CFAP58: variants seen among roughly 807,000 people sequenced by gnomAD.
The protein encoded by CFAP58 is cilia- and flagella-associated protein 58.
CFAP58 carries 88 observed loss-of-function variants against 119.5 expected under a neutral mutation model. The ratio of observed to expected loss-of-function variants is 0.74; its 90% confidence interval spans 0.62 to 0.88. The LOEUF (loss-of-function observed/expected upper bound fraction) is 0.88. Among genes scored for constraint, CFAP58 ranks in the 40% least tolerant of loss-of-function variants. CFAP58 has a pLI of 0.00. For missense variants in CFAP58, 990 were observed against 1,021.2 expected (o/e 0.97, Z 0.42); for synonymous variants, 365 against 366.3 (o/e 1.00, Z 0.04).
intron 15 of CFAP58, among the ~76,000 whole-genome samples, chr10:104,414,634 T>G (rs181361362): frequency 3.8e-4 from 58 of 152,300 alleles, no homozygotes; most frequent in Non-Finnish European, 6.0e-4. Flanking sequence ...AGATGCCTTT[T>G]GTCTTGCCGC....
At chr10:104,389,657 A>G (rs911503671) in intron 9 of CFAP58, among the ~76,000 whole-genome samples, 11 of 152,144 alleles carry the variant, frequency 7.2e-5, no homozygotes, top group African/African-American at 1.7e-4. Flanking sequence ...CACACCCTAC[A>G]AGTGAACTTG....
rs532082175 is a variant in CFAP58 at position 104,408,006 on chromosome 10, T to C, written c.2256+1213T>C. The stretch of plus-strand genomic sequence containing the variant: ...CCACTGTGCCCAGCCCCAAAGCCCA[T>C]AATTTTAATCACTAGGTTAATATTA... On this transcript the variant is annotated intron_variant, in intron 15 of 17. Coordinates refer to ENST00000369704, the MANE Select transcript of CFAP58 (RefSeq NM_001008723.2). Among the ~76,000 whole-genome samples the C allele has an allele frequency of 9.8e-5, 15 of 152,342 alleles. No homozygotes were observed. In the South Asian group the frequency reaches 3.1e-3, roughly 32 times the overall value.
At chr10:104,416,321 T>G (rs1437639081) in intron 15 of CFAP58, among the ~76,000 whole-genome samples, 1 of 152,198 alleles carries the variant, frequency 6.6e-6, no homozygotes, top group Admixed American at 6.5e-5. Context: ...AATTGTCACA[T>G]GCATTCTTTT....
At chr10:104,366,195 C>G (rs1275996697) in intron 5 of CFAP58, among the ~76,000 whole-genome samples, 187 bp downstream of exon 5, 1 of 152,132 alleles carries the variant, frequency 6.6e-6, no homozygotes, top group Non-Finnish European at 1.5e-5. Flanking sequence ...TATGCCCCCC[C>G]TTTTAAATTT....
At position 104,454,653 on chromosome 10, in the gene CFAP58, G is replaced by A. The variant is rs2013252266; in HGVS notation, c.*123G>A. On this transcript the variant is annotated 3_prime_UTR_variant, in exon 18 of 18. Transcript: ENST00000369704. ...CTGAGAATCCAGGATGGAAAGAAAT[G>A]CAGAACTATCATAGTCACATACATA... 1 of 708,246 alleles carries A rather than the reference G, an allele frequency of 1.4e-6. No homozygotes were observed. The allele number at this position is 708,246 out of a possible 1,614,324, so 43.9% of individuals were successfully genotyped here. A position where few individuals can be genotyped will look rare whatever the true frequency, so the allele number is the denominator to read the frequency against.
chr10:104,393,184 G>T, intron 10 of CFAP58, 145 bp from the exon 11 acceptor site: 2 of 724,326 alleles, frequency 2.8e-6, no homozygotes, highest in Non-Finnish European at 2.2e-6. Context: ...GGGCACTAGA[G>T]ACAAAGGAAT....
intron 15 of CFAP58, among the ~76,000 whole-genome samples, chr10:104,428,504 C>G (rs916236459): frequency 2.0e-5 from 3 of 152,202 alleles, no homozygotes; most frequent in Admixed American, 6.5e-5. Flanking sequence ...TGCAAGACCT[C>G]TGTTCCTTTT....
intron 5 of CFAP58, among the ~76,000 whole-genome samples, chr10:104,367,290 A>G (rs1014427570): frequency 6.6e-6 from 1 of 152,200 alleles, no homozygotes; most frequent in Non-Finnish European, 1.5e-5. Flanking sequence ...TAGTAATTGT[A>G]TTATGTTTTC....
the CFAP58 span, among the ~76,000 whole-genome samples, chr10:104,341,929 A>T: frequency 0.017 from 2,582 of 152,316 alleles, 69 homozygotes; most frequent in African/African-American, 0.058. Context: ...TCAGTGCAAG[A>T]TATGAATGTC....
intron 1 of CFAP58, among the ~76,000 whole-genome samples, chr10:104,356,620 T>C (rs2135240549): frequency 6.6e-6 from 1 of 152,338 alleles, no homozygotes; most frequent in Admixed American, 6.5e-5. Context: ...TCACTGTGTG[T>C]CCCTCACTCC....
At chr10:104,438,358 T>G (rs1220899223) in intron 15 of CFAP58, among the ~76,000 whole-genome samples, 23 of 82,478 alleles carry the variant, frequency 2.8e-4, no homozygotes, top group African/African-American at 8.5e-4. Flanking sequence ...GTTTTTTTTT[T>G]TTGTTTTTTT....
chr10:104,372,566 T>C (rs969307074), intron 7 of CFAP58, among the ~76,000 whole-genome samples: 2 of 152,158 alleles, frequency 1.3e-5, no homozygotes, highest in Admixed American at 6.5e-5. Context: ...AGGACCTCCA[T>C]GGGGTTAAAT....
the CFAP58 span, among the ~76,000 whole-genome samples, chr10:104,342,811 T>C: frequency 1.0e-4 from 14 of 138,706 alleles, no homozygotes; most frequent in South Asian, 2.5e-3. Context: ...TGCCACTGCA[T>C]TCCAGCCTGG....
chr10:104,380,136 G>C lies in CFAP58; in HGVS notation c.1281G>C (p.Glu427Asp). ...GAGAAATCCAGAACTACAAGGATGA[G>C]GCTCAGAAGCAGAGAAAGATCATCT... ...LEGEIQNYKD[E>D]AQKQRKIIFH... Residue 427 changes from glutamate (E) to aspartate (D), a missense_variant, in exon 9 of 18, where the codon GAG becomes GAC. Transcript: ENST00000369704. 1 of 1,614,110 alleles carries C rather than the reference G, an allele frequency of 6.2e-7. No homozygotes were observed. Among genetic ancestry groups the C allele is most frequent in the Non-Finnish European group, 8.5e-7 (1 of 1,180,020 alleles).
intron 3 of CFAP58, among the ~76,000 whole-genome samples, chr10:104,363,792 T>G (rs1003657154): frequency 6.6e-6 from 1 of 152,240 alleles, no homozygotes; most frequent in East Asian, 1.9e-4. Flanking sequence ...TTTGACAAAT[T>G]ACTGTGTTTT....
intron 15 of CFAP58, among the ~76,000 whole-genome samples, chr10:104,439,472 A>C (rs1402496176): frequency 6.6e-6 from 1 of 152,170 alleles, no homozygotes; most frequent in East Asian, 1.9e-4. Flanking sequence ...AAAATGTAAA[A>C]TTTGTTAATT....
intron 15 of CFAP58, among the ~76,000 whole-genome samples, chr10:104,428,771 T>A (rs2012794816): frequency 6.6e-6 from 1 of 152,178 alleles, no homozygotes; most frequent in Non-Finnish European, 1.5e-5. Context: ...GGCTACCAGC[T>A]CTTCATGTGA....
At chr10:104,380,688 G>A (rs1013914786) in intron 9 of CFAP58, among the ~76,000 whole-genome samples, 2 of 152,150 alleles carry the variant, frequency 1.3e-5, no homozygotes, top group Admixed American at 6.5e-5. Flanking sequence ...CATCTGCTAG[G>A]TGTGTCAATA....
rs556714295 is a variant in CFAP58 at position 104,391,291 on chromosome 10, G to C, written c.1366-942G>C. ...ACATGGACCTGTTTCTTCATACATG[G>C]ACCTGTTTCTTCATATGTGTCCCCT... On this transcript the variant is annotated intron_variant, in intron 9 of 17. Coordinates refer to ENST00000369704, the MANE Select transcript of CFAP58 (RefSeq NM_001008723.2). 3.7e-3 allele frequency among the ~76,000 whole-genome samples: 568 copies of C among 152,118 alleles called. 1 individual carries two copies. The highest frequency in any genetic ancestry group is 0.013 in the African/African-American group (542 of 41,490).
Sources: gnomAD v4.1 joint callset for allele counts (sites outside exome capture counted in the v4.1 genomes callset) on GRCh38, gnomAD v4.1.1 for gene constraint, MANE v1.5 for transcripts, NCBI Gene and HGNC (gene_info 2026-07-23, HGNC 2026-07-21) for gene names.